The following GPC5 variants were observed in gnomAD, a reference collection of about 807,000 sequenced individuals.
GPC5 encodes glypican-5.
In GPC5, 47 loss-of-function variants were observed where a neutral mutation model predicts 53.9. The observed-to-expected ratio is 0.87, with a 90% CI of 0.69 to 1.11. GPC5 has a LOEUF of 1.11. GPC5 is among the 50% of genes most tolerant of loss of function. GPC5 has a pLI of 0.00. For synonymous variants in GPC5, 286 were observed against 263.3 expected, an observed-to-expected ratio of 1.09 and a Z score of -0.84; for missense variants, 748 against 713.1, an observed-to-expected ratio of 1.05 and a Z score of -0.56.
At chr13:91,656,398 G>C (rs933769455) in intron 2 of GPC5, among the ~76,000 whole-genome samples, 1 of 152,126 alleles carries the variant, frequency 6.6e-6, no homozygotes, top group African/African-American at 2.4e-5. Flanking sequence ...GATTGCAGAG[G>C]TATAGATCTG....
chr13:92,042,252 G>A (rs184898915), intron 6 of GPC5, among the ~76,000 whole-genome samples: 27 of 152,208 alleles, frequency 1.8e-4, no homozygotes, highest in Non-Finnish European at 3.1e-4. Flanking sequence ...CTACAAGCTG[G>A]ACTTCTCAGT....
intron 2 of GPC5, among the ~76,000 whole-genome samples, chr13:91,451,210 AT>A (rs1490236400): frequency 6.6e-6 from 1 of 152,166 alleles, no homozygotes; most frequent in East Asian, 1.9e-4. Context: ...CTACATTTTG[AT>A]TTTTTAGTTT....
At chr13:91,599,706 C>G (rs1294215917) in intron 2 of GPC5, among the ~76,000 whole-genome samples, 1 of 152,248 alleles carries the variant, frequency 6.6e-6, no homozygotes, top group South Asian at 2.1e-4. Flanking sequence ...ACATAGTCCT[C>G]CATTTCAGGG....
At chr13:92,462,747 T>C (rs962578145) in intron 7 of GPC5, among the ~76,000 whole-genome samples, 4 of 151,352 alleles carry the variant, frequency 2.6e-5, no homozygotes, top group Non-Finnish European at 4.4e-5. Context: ...CCGGAGTTTT[T>C]CTCTTGCTGC....
intron 7 of GPC5, among the ~76,000 whole-genome samples, chr13:92,469,092 TCA>T (rs1878809990): frequency 6.6e-6 from 1 of 152,180 alleles, no homozygotes; most frequent in Admixed American, 6.6e-5. Flanking sequence ...ATAGGACAGG[TCA>T]AGATACATGT....
intron 7 of GPC5, among the ~76,000 whole-genome samples, chr13:92,333,323 T>A (rs780343266): frequency 6.6e-6 from 1 of 151,944 alleles, no homozygotes; most frequent in Non-Finnish European, 1.5e-5. Context: ...GTTAGAAAGG[T>A]TTGCACTCAG....
At chr13:91,494,518 C>A (rs2139267750) in intron 2 of GPC5, among the ~76,000 whole-genome samples, 1 of 152,204 alleles carries the variant, frequency 6.6e-6, no homozygotes, top group South Asian at 2.1e-4. Context: ...TTTAAAAGGG[C>A]TAACACCCTT....
chr13:91,544,112 A>T (rs1396347495), intron 2 of GPC5, among the ~76,000 whole-genome samples: 1 of 148,434 alleles, frequency 6.7e-6, no homozygotes, highest in African/African-American at 2.5e-5. Flanking sequence ...TACAGTGGTT[A>T]AAAAAAAAAG....
At chr13:92,360,747 A>T (rs942095139) in intron 7 of GPC5, among the ~76,000 whole-genome samples, 6 of 151,818 alleles carry the variant, frequency 4.0e-5, no homozygotes, top group African/African-American at 7.3e-5. Flanking sequence ...TTAGCCCAAA[A>T]GTTACTTCAG....
intron 6 of GPC5, among the ~76,000 whole-genome samples, chr13:92,125,933 T>G (rs1298980309): frequency 1.5e-3 from 8 of 5,166 alleles, no homozygotes; most frequent in South Asian, 8.1e-3. Flanking sequence ...GGTTTTTTTT[T>G]TTTTTTTTTT....
intron 2 of GPC5, among the ~76,000 whole-genome samples, chr13:91,601,919 C>T (rs1391008212): frequency 6.6e-6 from 1 of 152,210 alleles, no homozygotes; most frequent in East Asian, 1.9e-4. Context: ...AAACCAGTCA[C>T]TGTTGCCAAA....
At chr13:91,512,582 A>T (rs963051895) in intron 2 of GPC5, among the ~76,000 whole-genome samples, 1 of 151,922 alleles carries the variant, frequency 6.6e-6, no homozygotes, top group Non-Finnish European at 1.5e-5. Context: ...TCACTTTCAA[A>T]CCTCCTGCCC....
At chr13:92,341,474 ATTAT>A (rs1251644574) in intron 7 of GPC5, among the ~76,000 whole-genome samples, 1 of 152,138 alleles carries the variant, frequency 6.6e-6, no homozygotes, top group African/African-American at 2.4e-5. Context: ...ATTAAATGAA[ATTAT>A]TTGTGTGAAT....
intron 7 of GPC5, among the ~76,000 whole-genome samples, chr13:92,621,068 G>T (rs984870981): frequency 1.3e-5 from 2 of 152,160 alleles, no homozygotes; most frequent in African/African-American, 4.8e-5. Context: ...CTGGGGTGAG[G>T]TCAACATCTC....
chr13:91,683,053 C>A (rs1376198142), intron 2 of GPC5, among the ~76,000 whole-genome samples: 1 of 151,676 alleles, frequency 6.6e-6, no homozygotes, highest in East Asian at 1.9e-4. Flanking sequence ...AAAAAAAGGT[C>A]TTTGCATATG....
At chr13:92,136,870 G>T (rs1360548601) in intron 6 of GPC5, among the ~76,000 whole-genome samples, 1 of 152,190 alleles carries the variant, frequency 6.6e-6, no homozygotes, top group East Asian at 1.9e-4. Context: ...CCAGCTGAAA[G>T]AAGTACATTT....
intron 6 of GPC5, among the ~76,000 whole-genome samples, chr13:92,025,167 G>A (rs1239353777): frequency 6.6e-6 from 1 of 151,926 alleles, no homozygotes; most frequent in Non-Finnish European, 1.5e-5. Context: ...GAATATGGCT[G>A]CTTCACTCTA....
At position 92,742,282 on chromosome 13, in the gene GPC5, T is replaced by C. The variant is rs551161316; in HGVS notation, c.1562-124000T>C. On this transcript the variant is annotated intron_variant, in intron 7 of 7. Transcript: ENST00000377067. ...ACTTTTTAATGATTGCCATTCTAAC[T>C]GGTGTGAGATGGTATCTCATTGTGG... Among the ~76,000 whole-genome samples the C allele has an allele frequency of 2.0e-5, 3 of 151,928 alleles. No homozygotes were observed. The East Asian group carries it at 5.9e-4, about 30-fold the overall frequency.
intron 6 of GPC5, among the ~76,000 whole-genome samples, chr13:92,129,069 T>A (rs2041723070): frequency 6.6e-6 from 1 of 152,128 alleles, no homozygotes; most frequent in Non-Finnish European, 1.5e-5. Context: ...CCAACCCCCT[T>A]GTTCAACACA....
Sources: allele counts gnomAD v4.1 joint callset (sites outside exome capture counted in the v4.1 genomes callset), GRCh38; gene constraint gnomAD v4.1.1; transcripts MANE v1.5; gene names NCBI Gene and HGNC (gene_info 2026-07-23, HGNC 2026-07-21).